Variants in PLCG2 observed in about 807,000 individuals in gnomAD.
The protein encoded by PLCG2 is 1-phosphatidylinositol 4,5-bisphosphate phosphodiesterase gamma-2.
In PLCG2, 69 loss-of-function variants were observed where a neutral mutation model predicts 175.6. That is an observed-to-expected ratio of 0.39 (90% CI 0.32 to 0.48). PLCG2 has a LOEUF of 0.48. PLCG2 is among the 20% of genes least tolerant of loss of function. The probability of loss-of-function intolerance (pLI) is 0.91; values close to 1 mark genes in which losing one functional copy is unlikely to be tolerated. For missense variants in PLCG2, 1,798 were observed against 1,650.9 expected (o/e 1.09, Z -1.54); for synonymous variants, 827 against 624.0 (o/e 1.33, Z -4.85).
intron 21 of PLCG2, 151 bp from the exon 22 acceptor site, chr16:81,923,320 TTCGATCCTTTGCAA>T (rs1910132145): frequency 1.1e-5 from 6 of 570,622 alleles, no homozygotes; most frequent in Non-Finnish European, 1.9e-5. Context: ...TTTTGGGGCC[TTCGATCCTTTGCAA>T]TGCCAGTCCC....
chr16:81,867,916 G>A (rs527722733), intron 5 of PLCG2, among the ~76,000 whole-genome samples: 1 of 152,244 alleles, frequency 6.6e-6, no homozygotes, highest in East Asian at 1.9e-4. Context: ...AGCCAGGATG[G>A]TCTCGATCCT....
At chr16:81,779,890 C>T (rs1004098172) in intron 1 of PLCG2, among the ~76,000 whole-genome samples, 4 of 152,246 alleles carry the variant, frequency 2.6e-5, no homozygotes, top group African/African-American at 9.6e-5. Flanking sequence ...GCGGGAGGCG[C>T]AGTCCTTCCC....
At chr16:81,951,526 A>C (rs1911365135) in intron 31 of PLCG2, among the ~76,000 whole-genome samples, 1 of 152,184 alleles carries the variant, frequency 6.6e-6, no homozygotes, top group Admixed American at 6.5e-5. Flanking sequence ...TTCCAATTTC[A>C]CTCCACCAAA....
At chr16:81,916,095 T>C (rs896721050) in intron 19 of PLCG2, among the ~76,000 whole-genome samples, 1 of 152,178 alleles carries the variant, frequency 6.6e-6, no homozygotes, top group Non-Finnish European at 1.5e-5. Context: ...AATGGGAACA[T>C]TCTGCAGCTT....
chr16:81,788,083 T>G (rs1270019412), intron 2 of PLCG2, among the ~76,000 whole-genome samples: 2 of 152,158 alleles, frequency 1.3e-5, no homozygotes, highest in African/African-American at 4.8e-5. Context: ...GGTATATACC[T>G]AGGAGTGGAA....
intron 1 of PLCG2, among the ~76,000 whole-genome samples, chr16:81,746,143 C>G (rs1392377294): frequency 6.6e-6 from 1 of 152,204 alleles, no homozygotes; most frequent in African/African-American, 2.4e-5. Flanking sequence ...TCAGACAGGA[C>G]CAGCCCATGG....
At chr16:81,936,127 A>T in intron 26 of PLCG2, 42 bp from the exon 27 acceptor site, 1 of 1,608,298 alleles carries the variant, frequency 6.2e-7, no homozygotes, top group Non-Finnish European at 8.5e-7. Flanking sequence ...AAATGCACAG[A>T]TGAGACACAG....
At chr16:81,942,308 G>T (rs1910975368) in intron 30 of PLCG2, among the ~76,000 whole-genome samples, 1 of 152,180 alleles carries the variant, frequency 6.6e-6, no homozygotes, top group Non-Finnish European at 1.5e-5. Flanking sequence ...AGAATGCAAT[G>T]ACTTAGCTTG....
At chr16:81,931,829 C>T (rs1910514901) in intron 25 of PLCG2, among the ~76,000 whole-genome samples, 175 bp downstream of exon 25, 1 of 152,124 alleles carries the variant, frequency 6.6e-6, no homozygotes. Context: ...TAGAGAGAGG[C>T]AGGGATAGTG....
intron 22 of PLCG2, among the ~76,000 whole-genome samples, chr16:81,925,893 A>AG (rs1910249166): frequency 3.6e-5 from 1 of 27,812 alleles, no homozygotes. Context: ...CTCAAAAAAA[A>AG]AAAAAAAAAA....
At chr16:81,886,217 T>C (rs927265547) in intron 9 of PLCG2, among the ~76,000 whole-genome samples, 4 of 152,168 alleles carry the variant, frequency 2.6e-5, no homozygotes, top group Non-Finnish European at 4.4e-5. Flanking sequence ...TTACGTGCTT[T>C]CCCCAAACGG....
chr16:81,910,628 C>T lies in PLCG2; in HGVS notation c.1842C>T (p.Ile614=), dbSNP rs771390562. 5.0e-6 allele frequency: 8 copies of T among 1,614,078 alleles called. No homozygotes were observed. Among genetic ancestry groups the T allele is most frequent in the African/African-American group, 2.7e-5 (2 of 75,066 alleles). The part of the protein sequence containing the change: ...NLTFSSIYAL[I]QHYRETHLRC... ...CCTTCAGCAGCATCTATGCCCTCAT[C>T]CAGCACTACCGCGAGACGCACCTGC... The change falls in exon 18 of 33, where the codon ATC becomes ATT. Residue 614 remains isoleucine (I), a synonymous_variant. Transcript: ENST00000564138.
chr16:81,858,449 A>G (rs913431051), intron 4 of PLCG2, 93 bp downstream of exon 4: 22 of 767,556 alleles, frequency 2.9e-5, no homozygotes, highest in Non-Finnish European at 4.8e-5. Context: ...AAAAAAAAAA[A>G]AAGGGACATT....
At chr16:81,770,691 G>A (rs1380447181) in intron 2 of PLCG2, among the ~76,000 whole-genome samples, 1 of 152,160 alleles carries the variant, frequency 6.6e-6, no homozygotes, top group East Asian at 1.9e-4. Flanking sequence ...CTGCCCTCCT[G>A]CTTGGGCTAC....
At chr16:81,796,174 A>G (rs962605452) in intron 2 of PLCG2, among the ~76,000 whole-genome samples, 1 of 152,344 alleles carries the variant, frequency 6.6e-6, no homozygotes. Context: ...GTCTGTAACT[A>G]GAGCTGCTGA....
intron 2 of PLCG2, among the ~76,000 whole-genome samples, chr16:81,817,189 A>G (rs4243217): frequency 1 from 151,537 of 152,268 alleles, 75,406 homozygotes; most frequent in East Asian, 1. Context: ...GGGTGGTCAG[A>G]AAAGGCCTCT....
intron 9 of PLCG2, chr16:81,883,571 C>G (rs1908201362): frequency 1.7e-6 from 1 of 581,194 alleles, no homozygotes; most frequent in African/African-American, 1.9e-5. Flanking sequence ...CATGTCGGGC[C>G]TCTTTTGAAG....
At chr16:81,946,628 C>G (rs776161711) in intron 31 of PLCG2, among the ~76,000 whole-genome samples, 81 of 152,104 alleles carry the variant, frequency 5.3e-4, no homozygotes, top group Non-Finnish European at 1.0e-3. Context: ...GGAATCCTAT[C>G]AAAAAGTCTG....
Position 81,930,471 on chromosome 16 carries a change from G to C in PLCG2, c.2582-1026G>C, listed in dbSNP as rs1326753954. ...ATCTGTTTTTAAAGCCATTTAGCTG[G>C]GTGTGGTGGCTCATTCCTGTAATCC... On this transcript the variant is annotated intron_variant, in intron 24 of 32. Coordinates refer to ENST00000564138, the MANE Select transcript of PLCG2 (RefSeq NM_002661.5). 2.0e-5 allele frequency among the ~76,000 whole-genome samples: 3 copies of C among 152,102 alleles called. No individual in the cohort carries two copies. In the East Asian group the frequency reaches 5.8e-4, roughly 29 times the overall value.
Sources: gnomAD v4.1 joint callset for allele counts (sites outside exome capture counted in the v4.1 genomes callset) on GRCh38, gnomAD v4.1.1 for gene constraint, MANE v1.5 for transcripts, NCBI Gene and HGNC (gene_info 2026-07-23, HGNC 2026-07-21) for gene names.